The following SLC4A4 variants were observed in gnomAD, a reference collection of about 807,000 sequenced individuals.
The protein encoded by SLC4A4 is electrogenic sodium bicarbonate cotransporter 1.
A neutral mutation model predicts 111.5 loss-of-function variants in SLC4A4; 27 were observed. The ratio of observed to expected loss-of-function variants is 0.24; its 90% CI spans 0.18 to 0.33. The LOEUF (loss-of-function observed/expected upper bound fraction) is 0.33, where lower values mean the gene tolerates loss of function less well. Among genes scored for constraint, SLC4A4 ranks in the 10% least tolerant of loss-of-function variants. SLC4A4 has a pLI of 1.00. For missense variants in SLC4A4, 909 were observed against 1,315.5 expected (o/e 0.69, Z 4.78); for synonymous variants, 443 against 463.4 (o/e 0.96, Z 0.57).
intron 3 of SLC4A4, among the ~76,000 whole-genome samples, chr4:71,310,405 A>G (rs187100139): frequency 3.9e-5 from 6 of 152,306 alleles, no homozygotes; most frequent in African/African-American, 1.4e-4. Context: ...GCTTGAAATG[A>G]AGGAAAAAAG....
intron 3 of SLC4A4, among the ~76,000 whole-genome samples, chr4:71,316,490 G>GT (rs1175570151): frequency 6.6e-6 from 1 of 151,938 alleles, no homozygotes; most frequent in Non-Finnish European, 1.5e-5. Flanking sequence ...GGTACAGGCC[G>GT]TTTTTTTAAA....
chr4:71,564,306 T>C (rs1737272499), intron 24 of SLC4A4, among the ~76,000 whole-genome samples: 1 of 151,860 alleles, frequency 6.6e-6, no homozygotes, highest in African/African-American at 2.4e-5. Context: ...GGTCTCTCAG[T>C]GATCAATAAA....
At chr4:71,333,919 T>A (rs1728216912) in intron 3 of SLC4A4, among the ~76,000 whole-genome samples, 1 of 151,966 alleles carries the variant, frequency 6.6e-6, no homozygotes, top group South Asian at 2.1e-4. Context: ...AAGTGGGCTC[T>A]TCTCTGGCCC....
chr4:71,227,069 A>G (rs566618155), intron 1 of SLC4A4, among the ~76,000 whole-genome samples: 12 of 152,288 alleles, frequency 7.9e-5, no homozygotes, highest in African/African-American at 2.6e-4. Flanking sequence ...AACGTGCTAT[A>G]TGAGAAGCAG....
At chr4:71,328,606 A>C (rs544190243) in intron 3 of SLC4A4, among the ~76,000 whole-genome samples, 1 of 151,908 alleles carries the variant, frequency 6.6e-6, no homozygotes, top group Non-Finnish European at 1.5e-5. Context: ...CCTGTTTCTT[A>C]GTTGTATGTC....
intron 3 of SLC4A4, among the ~76,000 whole-genome samples, chr4:71,261,983 G>T (rs1721890486): frequency 6.6e-6 from 1 of 152,142 alleles, no homozygotes; most frequent in Admixed American, 6.5e-5. Flanking sequence ...ATTTCAGTGT[G>T]AAATTTACTT....
At chr4:71,385,875 A>G (rs1402515007) in intron 6 of SLC4A4, among the ~76,000 whole-genome samples, 1 of 152,144 alleles carries the variant, frequency 6.6e-6, no homozygotes, top group Non-Finnish European at 1.5e-5. Context: ...CACAGTGGAC[A>G]TTCTGGCATT....
At chr4:71,375,925 A>C (rs1003536166) in intron 6 of SLC4A4, among the ~76,000 whole-genome samples, 2 of 151,898 alleles carry the variant, frequency 1.3e-5, no homozygotes, top group African/African-American at 2.4e-5. Context: ...CTTATACTGT[A>C]GTCCTGATTC....
At chr4:71,476,632 T>C (rs1004115055) in intron 14 of SLC4A4, among the ~76,000 whole-genome samples, 1 of 151,706 alleles carries the variant, frequency 6.6e-6, no homozygotes, top group Non-Finnish European at 1.5e-5. Context: ...CCTTTTCTCT[T>C]TTTTTCTTTC....
At chr4:71,371,826 A>G (rs1731918186) in intron 6 of SLC4A4, among the ~76,000 whole-genome samples, 1 of 152,150 alleles carries the variant, frequency 6.6e-6, no homozygotes, top group Non-Finnish European at 1.5e-5. Context: ...TGGTGCAGGT[A>G]CTTGAAACAA....
chr4:71,207,828 G>A (rs374674826), intron 1 of SLC4A4, among the ~76,000 whole-genome samples: 9 of 151,766 alleles, frequency 5.9e-5, no homozygotes, highest in African/African-American at 1.5e-4. Flanking sequence ...CTTTTTCTTC[G>A]GGGAGACAGG....
At chr4:71,267,795 A>AAAAAAAAAAAG (rs1722387938) in intron 3 of SLC4A4, among the ~76,000 whole-genome samples, 3 of 26,790 alleles carry the variant, frequency 1.1e-4, no homozygotes, top group South Asian at 1.6e-3. Flanking sequence ...GTCTGCCAAA[A>AAAAAAAAAAAG]AAAAAAAAAA....
chr4:71,213,705 C>T (rs1157844966), intron 1 of SLC4A4, among the ~76,000 whole-genome samples: 2 of 152,086 alleles, frequency 1.3e-5, no homozygotes, highest in African/African-American at 4.8e-5. Context: ...GGAAGTAAGA[C>T]CTTTGGGAGG....
intron 1 of SLC4A4, among the ~76,000 whole-genome samples, chr4:71,235,371 T>C (rs1719729486): frequency 6.6e-6 from 1 of 152,234 alleles, no homozygotes; most frequent in Non-Finnish European, 1.5e-5. Context: ...AAGAATAAGT[T>C]ATACAGACAA....
intron 6 of SLC4A4, among the ~76,000 whole-genome samples, chr4:71,365,951 AT>A (rs1731212475): frequency 6.6e-6 from 1 of 152,172 alleles, no homozygotes; most frequent in African/African-American, 2.4e-5. Context: ...CTCAATCATA[AT>A]TTATTTCCCA....
At chr4:71,493,002 T>A (rs934137764) in intron 15 of SLC4A4, among the ~76,000 whole-genome samples, 2 of 151,974 alleles carry the variant, frequency 1.3e-5, no homozygotes, top group Non-Finnish European at 2.9e-5. Flanking sequence ...GTTGTTTTAT[T>A]TATCTTTATT....
At chr4:71,167,805 C>G (rs1744821710) in intron 2 of SLC4A4, among the ~76,000 whole-genome samples, 1 of 152,026 alleles carries the variant, frequency 6.6e-6, no homozygotes, top group African/African-American at 2.4e-5. Flanking sequence ...TAGGAGTCAC[C>G]TTTGATTTTT....
intron 6 of SLC4A4, among the ~76,000 whole-genome samples, chr4:71,374,874 T>G (rs754566280): frequency 1.3e-5 from 2 of 152,154 alleles, no homozygotes; most frequent in Non-Finnish European, 2.9e-5. Context: ...ATATTTATAA[T>G]CAGACTCTCC....
intron 2 of SLC4A4, among the ~76,000 whole-genome samples, chr4:71,119,932 T>C (rs1321049190): frequency 6.6e-6 from 1 of 152,100 alleles, no homozygotes; most frequent in East Asian, 1.9e-4. Flanking sequence ...GAGCTTTCCA[T>C]TTTATTTTGT....
Sources: gnomAD v4.1 joint callset for allele counts (sites outside exome capture counted in the v4.1 genomes callset) on GRCh38, gnomAD v4.1.1 for gene constraint, MANE v1.5 for transcripts, NCBI Gene and HGNC (gene_info 2026-07-23, HGNC 2026-07-21) for gene names.